MCM6: variants seen among roughly 807,000 people sequenced by gnomAD.
The protein encoded by MCM6 is DNA replication licensing factor MCM6.
A neutral mutation model predicts 94.3 loss-of-function variants in MCM6; 46 were observed. The ratio of observed to expected loss-of-function variants is 0.49; its 90% confidence interval spans 0.39 to 0.62. The LOEUF (loss-of-function observed/expected upper bound fraction) is 0.62, where lower values mean the gene tolerates loss of function less well. MCM6 is among the 20% of genes least tolerant of loss of function. The pLI is 0.00. For missense variants in MCM6, 865 were observed against 1,017.9 expected (o/e 0.85, Z 2.04); for synonymous variants, 335 against 351.9 (o/e 0.95, Z 0.54).
intron 1 of MCM6, among the ~76,000 whole-genome samples, chr2:135,873,046 T>C (rs1027007510): frequency 6.6e-6 from 1 of 152,188 alleles, no homozygotes; most frequent in Non-Finnish European, 1.5e-5. Flanking sequence ...AATTTCCACA[T>C]GTTGTGGGAG....
At chr2:135,849,263 C>T (rs766964834) in intron 13 of MCM6, among the ~76,000 whole-genome samples, 1 of 152,154 alleles carries the variant, frequency 6.6e-6, no homozygotes. Context: ...ACCTTCTCTT[C>T]CCTGCTTTCT....
intron 11 of MCM6, among the ~76,000 whole-genome samples, chr2:135,855,242 C>G (rs966018926): frequency 6.6e-6 from 1 of 152,224 alleles, no homozygotes; most frequent in African/African-American, 2.4e-5. Context: ...AGGTTTATAA[C>G]TTGATCTGCT....
At chr2:135,870,928 T>A (rs1680188227) in intron 2 of MCM6, among the ~76,000 whole-genome samples, 1 of 152,294 alleles carries the variant, frequency 6.6e-6, no homozygotes, top group South Asian at 2.1e-4. Flanking sequence ...TTGTGGGGTT[T>A]TTTTTGTAGA....
chr2:135,852,786 C>T lies in MCM6; in HGVS notation c.1755+1G>A. On this transcript the variant is annotated splice_donor_variant, in intron 12 of 16. Transcript: ENST00000264156. LOFTEE classifies it high-confidence loss of function. ...TATCCCAGTACAAAAGGGTAGGTTA[C>T]CTTGGGTTTAAACTGTCTTGCAAAG... 1 of 1,573,840 alleles carries T rather than the reference C, an allele frequency of 6.4e-7. No individual in the cohort carries two copies. Among genetic ancestry groups the T allele is most frequent in the Non-Finnish European group, 8.6e-7 (1 of 1,162,218 alleles).
chr2:135,866,356 C>T, intron 5 of MCM6, 79 bp from the exon 6 acceptor site: 1 of 1,543,170 alleles, frequency 6.5e-7, no homozygotes, highest in Admixed American at 1.8e-5. Context: ...TAAATGAAAG[C>T]TATAAATCCA....
intron 14 of MCM6, among the ~76,000 whole-genome samples, chr2:135,847,219 G>C (rs1199120312): frequency 6.6e-6 from 1 of 152,052 alleles, no homozygotes; most frequent in African/African-American, 2.4e-5. Context: ...AATTCTACCA[G>C]TCTGGGCAAT....
At chr2:135,858,056 G>A (rs879005010) in intron 9 of MCM6, 52 bp from the exon 10 acceptor site, 1 of 1,509,992 alleles carries the variant, frequency 6.6e-7, no homozygotes, top group Admixed American at 1.7e-5. Context: ...CTGGATGCAT[G>A]GCTCACACTT....
At chr2:135,875,198 T>C (rs1443493074) in intron 1 of MCM6, among the ~76,000 whole-genome samples, 2 of 152,162 alleles carry the variant, frequency 1.3e-5, no homozygotes, top group Non-Finnish European at 2.9e-5. Context: ...AAACCCCATC[T>C]CTACTAAAAT....
rs753172921 is a variant in MCM6 at position 135,876,327 on chromosome 2, G to A, written c.39C>T (p.Ser13=). The A allele has an allele frequency of 2.5e-6, 4 of 1,609,962 alleles. No individual in the cohort carries two copies. Among genetic ancestry groups the A allele is most frequent in the South Asian group, 1.1e-5 (1 of 90,956 alleles). ...CCTCGTCGCGGACCTCCAGGTGCTG[G>A]CTGCCGGCGCCCGGCTCCGCTGCCG... ...LAAAAEPGAG[S]QHLEVRDEVA... The change falls in exon 1 of 17, where the codon AGC becomes AGT. Residue 13 remains serine, a synonymous_variant. Coordinates refer to ENST00000264156, the MANE Select transcript of MCM6 (RefSeq NM_005915.6).
chr2:135,870,449 A>G, intron 2 of MCM6, 88 bp from the exon 3 acceptor site: 1 of 868,440 alleles, frequency 1.2e-6, no homozygotes, highest in South Asian at 1.4e-5. Context: ...AGATTAAGGA[A>G]TTTCATCTGG....
At chr2:135,849,194 A>C (rs1285661224) in intron 13 of MCM6, among the ~76,000 whole-genome samples, 1 of 152,190 alleles carries the variant, frequency 6.6e-6, no homozygotes, top group Non-Finnish European at 1.5e-5. Flanking sequence ...TTCTCTGGCG[A>C]ATGAAATGTG....
At chr2:135,869,018 G>A (rs777362764) in intron 3 of MCM6, among the ~76,000 whole-genome samples, 158 bp from the exon 4 acceptor site, 11 of 151,902 alleles carry the variant, frequency 7.2e-5, no homozygotes, top group South Asian at 4.2e-4. Context: ...TTTAGTCAAC[G>A]TGCCCAATCC....
chr2:135,840,773 G>C lies in MCM6; in HGVS notation c.*62C>G. The C allele has an allele frequency of 8.7e-7, 1 of 1,148,272 alleles. No homozygotes were observed. Among genetic ancestry groups the C allele is most frequent in the Non-Finnish European group, 1.3e-6 (1 of 758,816 alleles). The allele number at this position is 1,148,272 out of a possible 1,614,324, so 71.1% of individuals were successfully genotyped here. ...TCTGTCCCTAGCAGAGCTCCAGCCA[G>C]GCTCCAGGCCACGAGGTGCTGTGCC... On this transcript the variant is annotated 3_prime_UTR_variant, in exon 17 of 17. Transcript: ENST00000264156.
Position 135,866,272 on chromosome 2 carries a change from G to C in MCM6, c.787C>G (p.Arg263Gly). The C allele has an allele frequency of 6.2e-7, 1 of 1,614,042 alleles. No homozygotes were observed. The highest frequency in any genetic ancestry group is 8.5e-7 in the Non-Finnish European group (1 of 1,179,944). ...CTGACACGGGAATTAGTTTCTGCAC[G>C]TGCTCCTGAAACAGAATGATAGGTT... ...DVSKLSTPGA[R>G]AETNSRVSGV... is the part of the protein sequence containing the mutation. Residue 263 changes from arginine (R) to glycine (G), a missense_variant, in exon 6 of 17, where the codon CGT becomes GGT. Physicochemically the swap from Arg to Gly is moderately radical, Grantham distance 125. Coordinates refer to ENST00000264156, the MANE Select transcript of MCM6 (RefSeq NM_005915.6).
Position 135,851,511 on chromosome 2 carries a change from T to C in MCM6, c.1808A>G (p.Gln603Arg), listed in dbSNP as rs2105577115. The change falls in exon 13 of 17, where the codon CAG becomes CGG. Residue 603 changes from glutamine to arginine, a missense_variant. Gln to Arg is a conservative substitution (Grantham distance 43). Around this residue, in one of 3 missense-constraint regions of MCM6, gnomAD observed 308 missense variants for 324.5 expected, o/e 0.95. Transcript: ENST00000264156. Reference protein sequence around the residue: ...FIVEQYKHLRQRDGSGVTKSS... With the variant: ...FIVEQYKHLRRRDGSGVTKSS... Reference sequence around the variant, plus strand: ...CTTGGTCACTCCAGAACCATCTCTCTGGCGGAGATGTTTATATTGCTCCAC... The same window carrying C: ...CTTGGTCACTCCAGAACCATCTCTCCGGCGGAGATGTTTATATTGCTCCAC... 6.2e-7 allele frequency: 1 copy of C among 1,613,300 alleles called. No individual in the cohort carries two copies. Among genetic ancestry groups the C allele is most frequent in the Non-Finnish European group, 8.5e-7 (1 of 1,179,702 alleles).
intron 10 of MCM6, 30 bp downstream of exon 10, chr2:135,857,867 T>C: frequency 1.9e-6 from 3 of 1,572,252 alleles, no homozygotes; most frequent in Non-Finnish European, 2.6e-6. Flanking sequence ...CTATGGACGA[T>C]GCAGCAGAAC....
intron 12 of MCM6, among the ~76,000 whole-genome samples, chr2:135,852,535 A>C (rs957341671): frequency 1.3e-5 from 2 of 152,216 alleles, no homozygotes; most frequent in Admixed American, 6.5e-5. Flanking sequence ...CCAGTTATCC[A>C]AAACTCTTCT....
intron 16 of MCM6, among the ~76,000 whole-genome samples, chr2:135,842,378 G>A (rs936601608): frequency 1.3e-5 from 2 of 152,102 alleles, no homozygotes; most frequent in Non-Finnish European, 1.5e-5. Flanking sequence ...CCCAATACAT[G>A]ACCTCTGTAA....
chr2:135,866,083 CAGAG>C lies in MCM6; in HGVS notation c.927+45_927+48del, dbSNP rs777723679. 1.9e-6 allele frequency: 3 copies of C among 1,604,682 alleles called. No homozygotes were observed. In the East Asian group the frequency reaches 6.7e-5, roughly 36 times the overall value. The stretch of plus-strand genomic sequence containing the variant: ...TGCCATTGCACTCCAGCCTGGGTGA[CAGAG>C]AGAGACTGTTTCAAAAACAAACAAA... On this transcript the variant is annotated intron_variant, in intron 6 of 16. Coordinates refer to ENST00000264156, the MANE Select transcript of MCM6 (RefSeq NM_005915.6).
Sources: gnomAD v4.1 joint callset for allele counts (sites outside exome capture counted in the v4.1 genomes callset) on GRCh38, gnomAD v4.1.1 for gene constraint, gnomAD v4.1.1 regional missense constraint, MANE v1.5 for transcripts, NCBI Gene and HGNC (gene_info 2026-07-23, HGNC 2026-07-21) for gene names.